Variants in SAXO1 observed in about 807,000 individuals in gnomAD.
SAXO1 encodes stabilizer of axonemal microtubules 1.
Under a neutral mutation model 17.5 loss-of-function variants are expected in SAXO1, and 21 were observed. The ratio of observed to expected loss-of-function variants is 1.20; its 90% CI spans 0.85 to 1.72. The LOEUF (loss-of-function observed/expected upper bound fraction) is 1.72, where lower values mean the gene tolerates loss of function less well. Among genes scored for constraint, SAXO1 ranks in the 40% most tolerant of loss-of-function variants. The probability of loss-of-function intolerance (pLI) is 0.00; values close to 1 mark genes in which losing one functional copy is unlikely to be tolerated. For synonymous variants in SAXO1, 274 were observed against 216.5 expected, an observed-to-expected ratio of 1.27 and a Z score of -2.33; for missense variants, 843 against 596.0, an observed-to-expected ratio of 1.41 and a Z score of -4.32.
intron 1 of SAXO1, among the ~76,000 whole-genome samples, chr9:18,997,597 C>A (rs527591799): frequency 6.6e-6 from 1 of 152,358 alleles, no homozygotes; most frequent in African/African-American, 2.4e-5. Flanking sequence ...CCAGATAGTT[C>A]TGAAGACAGC....
chr9:18,991,362 T>C (rs1261465717), intron 1 of SAXO1, among the ~76,000 whole-genome samples: 1 of 152,186 alleles, frequency 6.6e-6, no homozygotes, highest in Non-Finnish European at 1.5e-5. Context: ...GCATCACATA[T>C]ACACCATGGA....
intron 3 of SAXO1, among the ~76,000 whole-genome samples, chr9:18,933,750 A>T (rs902934950): frequency 6.6e-6 from 1 of 152,208 alleles, no homozygotes; most frequent in African/African-American, 2.4e-5. Flanking sequence ...TTAGCCATTA[A>T]TAATGTCATT....
Position 18,932,866 on chromosome 9 carries a change from A to G in SAXO1, c.422-3811T>C, listed in dbSNP as rs549207621. On this transcript the variant is annotated intron_variant, in intron 3 of 3. Coordinates refer to ENST00000380534, the MANE Select transcript of SAXO1 (RefSeq NM_153707.4). The stretch of plus-strand genomic sequence containing the variant: ...GAATACAGAAACAACTGATTTTTAT[A>G]TATTGTTCAGTACTGACATCTCGCT... Among the ~76,000 whole-genome samples, 23 of 152,182 alleles carry G rather than the reference A, an allele frequency of 1.5e-4. No homozygotes were observed. The South Asian group carries it at 4.6e-3, about 30-fold the overall frequency.
At chr9:18,960,476 C>T (rs926576034) in intron 1 of SAXO1, among the ~76,000 whole-genome samples, 1 of 152,150 alleles carries the variant, frequency 6.6e-6, no homozygotes, top group Non-Finnish European at 1.5e-5. Context: ...TTCCTGGACC[C>T]CCTGTCAGGT....
chr9:18,968,703 C>A (rs1055466942), intron 1 of SAXO1, among the ~76,000 whole-genome samples: 2 of 151,774 alleles, frequency 1.3e-5, no homozygotes, highest in Admixed American at 1.3e-4. Context: ...AAGTGATTCT[C>A]CTGCCTCAGC....
chr9:18,988,689 T>G (rs1029787485), intron 1 of SAXO1, among the ~76,000 whole-genome samples: 12 of 152,352 alleles, frequency 7.9e-5, no homozygotes, highest in African/African-American at 2.6e-4. Flanking sequence ...ACGAGTATAA[T>G]GCTATTATTT....
intron 3 of SAXO1, among the ~76,000 whole-genome samples, chr9:18,930,554 C>A (rs1830997197): frequency 6.6e-6 from 1 of 151,788 alleles, no homozygotes; most frequent in Non-Finnish European, 1.5e-5. Flanking sequence ...GGCTGGAGTG[C>A]AATGGCACAA....
intron 1 of SAXO1, among the ~76,000 whole-genome samples, chr9:19,006,198 G>A (rs1237033738): frequency 1.3e-5 from 2 of 152,174 alleles, no homozygotes; most frequent in African/African-American, 4.8e-5. Flanking sequence ...TAGTCTCTGT[G>A]CAAAACAGTA....
chr9:19,022,949 A>T (rs923116899), intron 1 of SAXO1, among the ~76,000 whole-genome samples: 1 of 152,130 alleles, frequency 6.6e-6, no homozygotes, highest in South Asian at 2.1e-4. Flanking sequence ...CAAAGTTCAA[A>T]ACTGAACAGC....
chr9:18,996,629 T>C (rs1200430788), intron 1 of SAXO1, among the ~76,000 whole-genome samples: 1 of 152,102 alleles, frequency 6.6e-6, no homozygotes. Flanking sequence ...AAGCATTTGG[T>C]AAAATTCAAC....
At chr9:18,952,534 G>A (rs1419247408) in intron 1 of SAXO1, among the ~76,000 whole-genome samples, 2 of 152,126 alleles carry the variant, frequency 1.3e-5, no homozygotes, top group African/African-American at 4.8e-5. Context: ...ATCAACACCT[G>A]TACTGTTCAT....
intron 1 of SAXO1, among the ~76,000 whole-genome samples, chr9:18,993,625 A>T (rs1410475644): frequency 6.6e-6 from 1 of 152,200 alleles, no homozygotes; most frequent in Non-Finnish European, 1.5e-5. Flanking sequence ...TTTCCATTCC[A>T]GATGGCTTCA....
At chr9:18,975,739 T>TC (rs1450354005) in intron 1 of SAXO1, among the ~76,000 whole-genome samples, 2 of 152,198 alleles carry the variant, frequency 1.3e-5, no homozygotes, top group African/African-American at 4.8e-5. Context: ...CATGCTTTTC[T>TC]CTAGCCATTG....
At chr9:19,026,332 A>G (rs970649595) in intron 1 of SAXO1, among the ~76,000 whole-genome samples, 1 of 152,332 alleles carries the variant, frequency 6.6e-6, no homozygotes, top group East Asian at 1.9e-4. Context: ...TAAAATATGA[A>G]TAAAATTTAA....
At chr9:19,037,180 C>G (rs1835963214), upstream of SAXO1, among the ~76,000 whole-genome samples, 1 of 152,176 alleles carries the variant, frequency 6.6e-6, no homozygotes, top group African/African-American at 2.4e-5. Flanking sequence ...AAGTAACTAG[C>G]TTGCTTTTGA....
At chr9:19,043,768 G>GA (rs980045213) in intron 1 of SAXO1, among the ~76,000 whole-genome samples, 35 of 138,810 alleles carry the variant, frequency 2.5e-4, no homozygotes, top group Non-Finnish European at 3.0e-4. Context: ...ACCCTGTCTC[G>GA]AAAAAAAAAA....
chr9:18,996,760 T>C (rs533764100), intron 1 of SAXO1, among the ~76,000 whole-genome samples: 3 of 152,176 alleles, frequency 2.0e-5, no homozygotes, highest in Non-Finnish European at 4.4e-5. Flanking sequence ...ACTGAAAACT[T>C]TTTCCCTAAG....
chr9:19,021,692 G>C (rs1835239539), intron 1 of SAXO1, among the ~76,000 whole-genome samples: 1 of 152,248 alleles, frequency 6.6e-6, no homozygotes, highest in Non-Finnish European at 1.5e-5. Flanking sequence ...GAAGCCAGCT[G>C]AGCTTCTGGG....
Position 18,928,673 on chromosome 9 carries a change from G to A in SAXO1, c.804C>T (p.Phe268=), listed in dbSNP as rs772747582. The A allele has an allele frequency of 1.7e-5, 28 of 1,614,048 alleles. No homozygotes were observed. The highest frequency in any genetic ancestry group is 2.3e-5 in the Non-Finnish European group (27 of 1,180,046). The change falls in exon 4 of 4, where the codon TTC becomes TTT. Residue 268 remains phenylalanine (F), a synonymous_variant. Coordinates refer to ENST00000380534, the MANE Select transcript of SAXO1 (RefSeq NM_153707.4). ...TATCTCGAAACTCAGTGGTGTTACA[G>A]AAAGGCATGTCTAGCCCAGGAGGCC... ...LARPPGLDMP[F]CNTTEFRDKY... is the part of the protein sequence containing the mutation.
Sources: allele counts gnomAD v4.1 joint callset (sites outside exome capture counted in the v4.1 genomes callset), GRCh38; gene constraint gnomAD v4.1.1; transcripts MANE v1.5; gene names NCBI Gene and HGNC (gene_info 2026-07-23, HGNC 2026-07-21).